FGF14: variants seen among roughly 807,000 people sequenced by gnomAD.
FGF14 encodes fibroblast growth factor 14.
A neutral mutation model predicts 25.5 loss-of-function variants in FGF14; 5 were observed. That is an observed-to-expected ratio of 0.20 (90% CI 0.10 to 0.41). FGF14 has a LOEUF of 0.41. FGF14 is among the 10% of genes least tolerant of loss of function. The pLI is 1.00. For missense variants in FGF14, 222 were observed against 320.1 expected, an observed-to-expected ratio of 0.69 and a Z score of 2.34; for synonymous variants, 138 against 118.3, an observed-to-expected ratio of 1.17 and a Z score of -1.08.
chr13:101,717,381 A>C lies in FGF14; in HGVS notation c.*5450T>G, dbSNP rs1275971894. The C allele has an allele frequency of 6.6e-6, 1 of 152,126 alleles. No homozygotes were observed. Among genetic ancestry groups the C allele is most frequent in the African/African-American group, 2.4e-5 (1 of 41,410 alleles). 9.4% of individuals were successfully genotyped at this position (152,126 alleles called of 1,614,324 possible). ...TATTATTGAGTACGTAAATTGATAG[A>C]TCTCTTCCGTAAAATGAGGGAAATA... On this transcript the variant is annotated 3_prime_UTR_variant, in exon 5 of 5. Coordinates refer to ENST00000376143, the MANE Select transcript of FGF14 (RefSeq NM_004115.4).
At chr13:102,383,896 T>C (rs914372862) in intron 1 of FGF14, among the ~76,000 whole-genome samples, 9 of 152,302 alleles carry the variant, frequency 5.9e-5, no homozygotes, top group African/African-American at 2.2e-4. Context: ...TATCACACAT[T>C]AAAAATGTTA....
intron 1 of FGF14, among the ~76,000 whole-genome samples, chr13:102,118,750 T>C (rs1258040255): frequency 6.6e-6 from 1 of 152,020 alleles, no homozygotes; most frequent in African/African-American, 2.4e-5. Context: ...TACAATTTTA[T>C]GTCACTTAAA....
chr13:102,216,240 G>A (rs1265731456), intron 1 of FGF14, among the ~76,000 whole-genome samples: 5 of 152,142 alleles, frequency 3.3e-5, no homozygotes, highest in Admixed American at 6.5e-5. Flanking sequence ...GATAACACAG[G>A]ATGAGGTTTG....
chr13:102,107,804 G>C (rs1044875685), intron 1 of FGF14, among the ~76,000 whole-genome samples: 1 of 152,222 alleles, frequency 6.6e-6, no homozygotes, highest in East Asian at 1.9e-4. Context: ...ACTTGCAGCA[G>C]AAACTGCAAG....
intron 1 of FGF14, among the ~76,000 whole-genome samples, chr13:102,101,060 T>C (rs1048505291): frequency 5.9e-5 from 9 of 151,798 alleles, no homozygotes; most frequent in Non-Finnish European, 1.3e-4. Flanking sequence ...GATCACACCA[T>C]TGTACTCCAG....
At chr13:102,285,085 C>G (rs1199554258) in intron 1 of FGF14, among the ~76,000 whole-genome samples, 1 of 152,116 alleles carries the variant, frequency 6.6e-6, no homozygotes. Context: ...CATATTTATT[C>G]ATTTAGAAAT....
chr13:102,382,665 T>G (rs915392963), intron 1 of FGF14, among the ~76,000 whole-genome samples: 5 of 152,098 alleles, frequency 3.3e-5, no homozygotes, highest in African/African-American at 1.2e-4. Context: ...TAAAAATGTA[T>G]ACATAAATGT....
chr13:101,752,718 T>C (rs916894162), intron 3 of FGF14, among the ~76,000 whole-genome samples: 1 of 152,164 alleles, frequency 6.6e-6, no homozygotes, highest in Non-Finnish European at 1.5e-5. Context: ...GTTCTCTCTA[T>C]TTTTTCCCTT....
intron 1 of FGF14, among the ~76,000 whole-genome samples, chr13:102,167,866 GA>G (rs1242518569): frequency 1.7e-4 from 25 of 150,726 alleles, no homozygotes; most frequent in African/African-American, 6.1e-4. Flanking sequence ...ATTCATAAGA[GA>G]AAAATATAAT....
intron 3 of FGF14, among the ~76,000 whole-genome samples, chr13:101,769,583 G>A (rs527855295): frequency 3.9e-5 from 6 of 152,102 alleles, no homozygotes; most frequent in Non-Finnish European, 7.4e-5. Flanking sequence ...AAATGGATAG[G>A]TAAACTGTGG....
chr13:102,054,740 T>G (rs776931355), intron 1 of FGF14, among the ~76,000 whole-genome samples: 24 of 152,226 alleles, frequency 1.6e-4, no homozygotes, highest in Non-Finnish European at 1.9e-4. Context: ...CAAGTCATTA[T>G]GTTTCTCTCC....
chr13:101,983,317 T>C (rs2038375017), intron 1 of FGF14, among the ~76,000 whole-genome samples: 1 of 152,110 alleles, frequency 6.6e-6, no homozygotes, highest in African/African-American at 2.4e-5. Flanking sequence ...TATAAAGGGG[T>C]CCAATAAATA....
At chr13:101,906,081 T>C (rs1038210819) in intron 1 of FGF14, among the ~76,000 whole-genome samples, 7 of 152,190 alleles carry the variant, frequency 4.6e-5, no homozygotes, top group African/African-American at 1.7e-4. Context: ...CCAAGAAGAC[T>C]GCTTCTACCT....
intron 1 of FGF14, among the ~76,000 whole-genome samples, chr13:102,007,213 G>C (rs2039853238): frequency 6.6e-6 from 1 of 152,150 alleles, no homozygotes. Flanking sequence ...AAAACAAAAG[G>C]AAAGGAAGTA....
intron 1 of FGF14, among the ~76,000 whole-genome samples, chr13:101,916,140 T>C: frequency 6.6e-6 from 1 of 152,162 alleles, no homozygotes; most frequent in East Asian, 1.9e-4. Flanking sequence ...CCAGTGCCAG[T>C]CCCTATCCTC....
chr13:102,311,906 A>G (rs1421816868), intron 1 of FGF14, among the ~76,000 whole-genome samples: 2 of 152,220 alleles, frequency 1.3e-5, no homozygotes, highest in Non-Finnish European at 2.9e-5. Flanking sequence ...CCAAAGGGAA[A>G]TGAGTATCTC....
chr13:101,828,583 C>T (rs2042519417), intron 3 of FGF14, among the ~76,000 whole-genome samples: 1 of 151,650 alleles, frequency 6.6e-6, no homozygotes, highest in Non-Finnish European at 1.5e-5. Context: ...AAAAGGCATC[C>T]TGTATTCTTC....
At chr13:102,252,006 T>C (rs1397894952) in intron 1 of FGF14, among the ~76,000 whole-genome samples, 1 of 152,244 alleles carries the variant, frequency 6.6e-6, no homozygotes, top group Admixed American at 6.5e-5. Flanking sequence ...AGCATAATGC[T>C]GTACCAGTCC....
In FGF14 at chr13:102,215,938, G is replaced by A. The variant is rs141001806; in HGVS notation, c.208+185533C>T. On this transcript the variant is annotated intron_variant, in intron 1 of 4. Transcript: ENST00000376131. ...AGTGGCCAAAGCAGATGGAGTGAGA[G>A]AAAGAAAAGTCAGAGACAGAGGTGC... is the stretch of plus-strand genomic sequence containing the variant. Among the ~76,000 whole-genome samples, 350 of 152,282 alleles carry A rather than the reference G, an allele frequency of 2.3e-3. 1 individual carries two copies. Among genetic ancestry groups the A allele is most frequent in the African/African-American group, 7.7e-3 (321 of 41,552 alleles).
Sources: allele counts gnomAD v4.1 joint callset (sites outside exome capture counted in the v4.1 genomes callset), GRCh38; gene constraint gnomAD v4.1.1; transcripts MANE v1.5; gene names NCBI Gene and HGNC (gene_info 2026-07-23, HGNC 2026-07-21).